Variants in GRM3 observed in about 807,000 individuals in gnomAD.
GRM3 encodes the protein metabotropic glutamate receptor 3.
Under a neutral mutation model 70.5 loss-of-function variants are expected in GRM3, and 26 were observed. The observed-to-expected ratio is 0.37, with a 90% confidence interval of 0.27 to 0.51. GRM3 has a LOEUF of 0.51. GRM3 is among the 20% of genes least tolerant of loss of function. The pLI, the probability that GRM3 is intolerant of heterozygous loss-of-function variation, is 0.93. For missense variants in GRM3, 859 were observed against 1,123.8 expected (o/e 0.76, Z 3.37); for synonymous variants, 443 against 434.9 (o/e 1.02, Z -0.23).
intron 1 of GRM3, among the ~76,000 whole-genome samples, chr7:86,700,720 T>G (rs1248089586): frequency 1.3e-5 from 2 of 151,964 alleles, no homozygotes; most frequent in African/African-American, 4.8e-5. Flanking sequence ...CCTGATGTTT[T>G]ACAGAGAATA....
At chr7:86,776,678 G>A (rs1212937848) in intron 2 of GRM3, among the ~76,000 whole-genome samples, 1 of 151,964 alleles carries the variant, frequency 6.6e-6, no homozygotes, top group Admixed American at 6.6e-5. Flanking sequence ...GTGACTTCAG[G>A]GACCACAGAA....
At chr7:86,761,161 G>A (rs1796470434) in intron 1 of GRM3, among the ~76,000 whole-genome samples, 2 of 152,112 alleles carry the variant, frequency 1.3e-5, no homozygotes, top group Admixed American at 6.6e-5. Context: ...TACAACTAAA[G>A]TATATATCCT....
At chr7:86,733,270 T>C (rs1003816157) in intron 1 of GRM3, among the ~76,000 whole-genome samples, 106 of 148,948 alleles carry the variant, frequency 7.1e-4, no homozygotes, top group Non-Finnish European at 2.8e-4. Flanking sequence ...GGCAAGATCA[T>C]GCCACTGCAC....
chr7:86,797,680 C>A (rs1042132140), intron 3 of GRM3, among the ~76,000 whole-genome samples: 11 of 152,268 alleles, frequency 7.2e-5, no homozygotes, highest in African/African-American at 1.4e-4. Flanking sequence ...AAGCTGGCTG[C>A]ATAAATCTGC....
At chr7:86,670,021 T>G in intron 1 of GRM3, among the ~76,000 whole-genome samples, 1 of 152,188 alleles carries the variant, frequency 6.6e-6, no homozygotes, top group Non-Finnish European at 1.5e-5. Flanking sequence ...TCTGTAGCTC[T>G]AAATATTTCA....
At chr7:86,708,566 G>A (rs1795111954) in intron 1 of GRM3, among the ~76,000 whole-genome samples, 1 of 152,028 alleles carries the variant, frequency 6.6e-6, no homozygotes, top group Non-Finnish European at 1.5e-5. Context: ...TTGCCAGCTG[G>A]GGATAGACAT....
At chr7:86,752,481 A>G (rs1796252861) in intron 1 of GRM3, among the ~76,000 whole-genome samples, 1 of 152,156 alleles carries the variant, frequency 6.6e-6, no homozygotes, top group Middle Eastern at 3.2e-3. Flanking sequence ...TGAAAGCTAT[A>G]CAAGAGATAT....
chr7:86,739,686 C>G (rs1795942202), intron 1 of GRM3, among the ~76,000 whole-genome samples: 1 of 152,156 alleles, frequency 6.6e-6, no homozygotes. Context: ...GTTTAACAAG[C>G]CTTCCAGGTG....
At chr7:86,712,769 T>C (rs150210875) in intron 1 of GRM3, among the ~76,000 whole-genome samples, 1 of 152,178 alleles carries the variant, frequency 6.6e-6, no homozygotes, top group East Asian at 1.9e-4. Context: ...TTACTTAACA[T>C]GATGCTCTGC....
At chr7:86,713,817 G>T (rs889103885) in intron 1 of GRM3, among the ~76,000 whole-genome samples, 6 of 151,846 alleles carry the variant, frequency 4.0e-5, no homozygotes, top group Admixed American at 3.9e-4. Context: ...TAGTATATAT[G>T]ACAACAATAA....
intron 1 of GRM3, among the ~76,000 whole-genome samples, chr7:86,686,273 G>C (rs893505890): frequency 3.3e-5 from 5 of 152,144 alleles, no homozygotes; most frequent in Non-Finnish European, 5.9e-5. Context: ...CAATCAGAAT[G>C]AAAGTCTCTT....
At chr7:86,818,677 T>A (rs1798062260) in intron 3 of GRM3, among the ~76,000 whole-genome samples, 1 of 152,070 alleles carries the variant, frequency 6.6e-6, no homozygotes, top group African/African-American at 2.4e-5. Context: ...TGGGAAAGTA[T>A]CCAGTAGACT....
At chr7:86,816,059 C>T (rs1261104424) in intron 3 of GRM3, among the ~76,000 whole-genome samples, 1 of 151,702 alleles carries the variant, frequency 6.6e-6, no homozygotes, top group Non-Finnish European at 1.5e-5. Flanking sequence ...TTCATGAGTA[C>T]CTGGAAGGTA....
At chr7:86,752,049 T>G (rs1280719677) in intron 1 of GRM3, among the ~76,000 whole-genome samples, 1 of 152,132 alleles carries the variant, frequency 6.6e-6, no homozygotes, top group East Asian at 1.9e-4. Context: ...AAAATGCATG[T>G]CATAATTGCA....
chr7:86,851,459 C>T (rs933812168), intron 5 of GRM3, among the ~76,000 whole-genome samples: 1 of 152,120 alleles, frequency 6.6e-6, no homozygotes, highest in African/African-American at 2.4e-5. Flanking sequence ...AGAAGCAATT[C>T]ACTGACACTG....
At chr7:86,655,320 T>G (rs1793708381) in intron 1 of GRM3, among the ~76,000 whole-genome samples, 1 of 152,218 alleles carries the variant, frequency 6.6e-6, no homozygotes, top group Non-Finnish European at 1.5e-5. Context: ...CCAAAGAAAT[T>G]TTTATTCAAA....
chr7:86,728,314 A>G (rs780713201), intron 1 of GRM3, among the ~76,000 whole-genome samples: 1 of 152,204 alleles, frequency 6.6e-6, no homozygotes, highest in Non-Finnish European at 1.5e-5. Context: ...CAAAGACAGT[A>G]TATGTAGCAG....
chr7:86,787,260 A>G, intron 3 of GRM3, 144 bp downstream of exon 3: 1 of 688,164 alleles, frequency 1.5e-6, no homozygotes, highest in Non-Finnish European at 2.5e-6. Context: ...TCCAGGATGC[A>G]ATAGGATGGT....
chr7:86,740,660 A>G (rs1795964986), intron 1 of GRM3, among the ~76,000 whole-genome samples: 1 of 152,252 alleles, frequency 6.6e-6, no homozygotes, highest in African/African-American at 2.4e-5. Context: ...ATTATGGTAG[A>G]GACAGGCTGA....
Sources: allele counts gnomAD v4.1 joint callset (sites outside exome capture counted in the v4.1 genomes callset), GRCh38; gene constraint gnomAD v4.1.1; transcripts MANE v1.5; gene names NCBI Gene and HGNC (gene_info 2026-07-23, HGNC 2026-07-21).